DMD: variants seen among roughly 807,000 people sequenced by gnomAD.
DMD encodes the protein mutant dystrophin.
In DMD, 63 loss-of-function variants were observed where a neutral mutation model predicts 330.1. That is an observed-to-expected ratio of 0.19 (90% CI 0.16 to 0.24). The LOEUF (loss-of-function observed/expected upper bound fraction) is 0.24, where lower values mean the gene tolerates loss of function less well. Among genes scored for constraint, DMD ranks in the 10% least tolerant of loss-of-function variants. The probability of loss-of-function intolerance (pLI) is 1.00; values close to 1 mark genes in which losing one functional copy is unlikely to be tolerated. For synonymous variants in DMD, 1,223 were observed against 959.8 expected, an observed-to-expected ratio of 1.27 and a Z score of -5.07; for missense variants, 3,344 against 2,684.1, an observed-to-expected ratio of 1.25 and a Z score of -5.43.
At chrX:31,510,517 T>TC (rs1453881456) in intron 55 of DMD, among the ~76,000 whole-genome samples, 1 of 100,931 alleles carries the variant, frequency 9.9e-6, no homozygotes, top group African/African-American at 3.7e-5. Context: ...TTTTTTTTTT[T>TC]TTTTTTTTGA....
At chrX:31,363,828 C>T (rs2059094480) in intron 60 of DMD, among the ~76,000 whole-genome samples, 1 of 112,422 alleles carries the variant, frequency 8.9e-6, no homozygotes, top group African/African-American at 3.2e-5. Context: ...CCAGTAGCAC[C>T]TCCTCACCAG....
chrX:33,134,530 A>C (rs780447830), intron 1 of DMD, among the ~76,000 whole-genome samples: 1 of 111,707 alleles, frequency 9.0e-6, no homozygotes, highest in Non-Finnish European at 1.9e-5. Context: ...TCAACACCTC[A>C]CAGTGACCAC....
intron 44 of DMD, among the ~76,000 whole-genome samples, chrX:32,186,626 A>G (rs2096948998): frequency 9.0e-6 from 1 of 111,455 alleles, no homozygotes; most frequent in Non-Finnish European, 1.9e-5. Context: ...AGCATGGTGG[A>G]TGATACATAT....
chrX:32,673,293 G>T (rs927451941), intron 9 of DMD, among the ~76,000 whole-genome samples: 1 of 110,991 alleles, frequency 9.0e-6, no homozygotes, highest in African/African-American at 3.3e-5. Context: ...TTAAACAATG[G>T]TCTATTTTAT....
intron 44 of DMD, among the ~76,000 whole-genome samples, chrX:32,183,744 G>A (rs919625953): frequency 1.8e-5 from 2 of 109,192 alleles, no homozygotes; most frequent in African/African-American, 6.6e-5. Context: ...GACTGTACTT[G>A]TATCATGAGT....
chrX:31,494,330 C>A (rs767182592), intron 57 of DMD, among the ~76,000 whole-genome samples: 24 of 110,018 alleles, frequency 2.2e-4, no homozygotes, highest in African/African-American at 7.3e-4. Flanking sequence ...TAGATTGCAG[C>A]AACAAAAAGA....
At chrX:32,245,777 G>A (rs1345827397) in intron 43 of DMD, among the ~76,000 whole-genome samples, 1 of 97,261 alleles carries the variant, frequency 1.0e-5, no homozygotes, top group African/African-American at 3.9e-5. Context: ...TGTTGTTGGT[G>A]TATAAGAATG....
Position 31,172,394 on chromosome X carries a change from T to C in DMD, c.10348A>G (p.Ser3450Gly). ...YASRLAEMEN[S>G]NGSYLNDSIS... ...CTATCATTTAGATAAGATCCATTGC[T>C]GTTTTCCATTTCTGCTAGCCTGATA... The change falls in exon 73 of 79, where the codon AGC becomes GGC. Residue 3450 changes from serine (S) to glycine (G), a missense_variant. Transcript: ENST00000357033. The C allele has an allele frequency of 8.3e-7, 1 of 1,198,614 alleles. No individual in the cohort carries two copies. The highest frequency in any genetic ancestry group is 1.1e-6 in the Non-Finnish European group (1 of 883,931).
intron 1 of DMD, among the ~76,000 whole-genome samples, chrX:33,057,532 C>T (rs1026930059): frequency 8.9e-6 from 1 of 111,978 alleles, no homozygotes; most frequent in Admixed American, 9.5e-5. Flanking sequence ...GGAGATTCTA[C>T]GCATGCATAG....
intron 17 of DMD, among the ~76,000 whole-genome samples, chrX:32,538,639 C>T (rs1174480195): frequency 9.0e-6 from 1 of 111,351 alleles, no homozygotes; most frequent in Non-Finnish European, 1.9e-5. Flanking sequence ...AGGGGTCAGA[C>T]TGTAAATGAC....
chrX:32,057,966 C>T (rs762044580), intron 44 of DMD, among the ~76,000 whole-genome samples: 1 of 111,139 alleles, frequency 9.0e-6, no homozygotes, highest in East Asian at 2.9e-4. Flanking sequence ...GCCAAGAATA[C>T]ACAACTGGGA....
chrX:31,369,270 AG>A (rs1364900924), intron 60 of DMD, among the ~76,000 whole-genome samples: 1 of 112,401 alleles, frequency 8.9e-6, no homozygotes, highest in East Asian at 2.8e-4. Context: ...CTTTAAAATA[AG>A]GAGAGTCACC....
At chrX:32,632,007 T>C (rs73465696) in intron 11 of DMD, among the ~76,000 whole-genome samples, 4,195 of 111,210 alleles carry the variant, frequency 0.038, 215 homozygotes, top group African/African-American at 0.13. Context: ...AACTCAAAAG[T>C]CCGGAGTCTC....
chrX:32,661,284 T>C lies in DMD; in HGVS notation c.961-16132A>G, dbSNP rs1166875121. Among the ~76,000 whole-genome samples, 5 of 111,112 alleles carry C rather than the reference T, an allele frequency of 4.5e-5. No individual in the cohort carries two copies. In the Admixed American group the frequency reaches 4.8e-4, roughly 11 times the overall value. ...AGAATTTACCACCAGAACTGAAGTA[T>C]AGTGAATTAAGTGTTTACCATTTGT... On this transcript the variant is annotated intron_variant, in intron 9 of 78. Coordinates refer to ENST00000357033, the MANE Select transcript of DMD (RefSeq NM_004006.3).
In DMD at chrX:31,366,044, A is replaced by C. The variant is rs915180212; in HGVS notation, c.9085-17410T>G. On this transcript the variant is annotated intron_variant, in intron 60 of 78. Coordinates refer to ENST00000357033, the MANE Select transcript of DMD (RefSeq NM_004006.3). Reference sequence around the variant, plus strand: ...AATTTATGTTTTCAAACTCATTGACAGTCACTAGTTACCGGCAGGCACTCT... The same window carrying C: ...AATTTATGTTTTCAAACTCATTGACCGTCACTAGTTACCGGCAGGCACTCT... 6.2e-5 allele frequency among the ~76,000 whole-genome samples: 7 copies of C among 112,506 alleles called. No homozygotes were observed. The Admixed American group carries it at 6.6e-4, about 11-fold the overall frequency.
rs1160282195 is a variant in DMD, at chrX:32,418,972, C to CAAAAAAAAAAAAAAAAAAAAAAAAAA, written c.4072-7085_4072-7060dup. 1.6e-3 allele frequency among the ~76,000 whole-genome samples: 21 copies of CAAAAAAAAAAAAAAAAAAAAAAAAAA among 13,508 alleles called. 2 individuals carry two copies. Among genetic ancestry groups the CAAAAAAAAAAAAAAAAAAAAAAAAAA allele is most frequent in the Non-Finnish European group, 2.4e-3 (16 of 6,717 alleles). The allele number at this position is 13,508 out of a possible 115,157, so 11.7% of individuals were successfully genotyped here. A position where few individuals can be genotyped will look rare whatever the true frequency, so the allele number is the denominator to read the frequency against. On this transcript the variant is annotated intron_variant, in intron 29 of 78. Transcript: ENST00000357033. ...TGGGTGACAGAGTGAGACTCTGTCT[C>CAAAAAAAAAAAAAAAAAAAAAAAAAA]AAAAAAAAAAAAAAAAAAAAAAAAA...
intron 41 of DMD, among the ~76,000 whole-genome samples, chrX:32,328,143 T>C (rs1252806815): frequency 1.8e-5 from 2 of 111,533 alleles, no homozygotes; most frequent in African/African-American, 6.5e-5. Flanking sequence ...TTAACGCATT[T>C]TGTTAAGTTT....
intron 9 of DMD, among the ~76,000 whole-genome samples, chrX:32,649,972 C>T (rs2060036952): frequency 9.0e-6 from 1 of 110,904 alleles, no homozygotes; most frequent in Non-Finnish European, 1.9e-5. Flanking sequence ...TCTGCAATGC[C>T]TGTGTTTGGG....
intron 41 of DMD, among the ~76,000 whole-genome samples, chrX:32,315,472 A>C (rs112697497): frequency 7.2e-5 from 8 of 110,527 alleles, no homozygotes; most frequent in African/African-American, 2.6e-4. Flanking sequence ...TATGCAACAA[A>C]CCTGCACGTT....
Sources: allele counts gnomAD v4.1 joint callset (sites outside exome capture counted in the v4.1 genomes callset), GRCh38; gene constraint gnomAD v4.1.1; transcripts MANE v1.5; gene names NCBI Gene and HGNC (gene_info 2026-07-23, HGNC 2026-07-21).